The following NLRP3 variants were observed in gnomAD, a reference collection of about 807,000 sequenced individuals.
NLRP3 encodes NACHT, LRR and PYD domains-containing protein 3.
Under a neutral mutation model 91.3 loss-of-function variants are expected in NLRP3, and 48 were observed. That is an observed-to-expected ratio of 0.53 (90% CI 0.42 to 0.67). The LOEUF is 0.67. Ranked by LOEUF, NLRP3 falls within the 30% of genes least tolerant of loss-of-function variation. The probability of loss-of-function intolerance (pLI) is 0.00; values close to 1 mark genes in which losing one functional copy is unlikely to be tolerated. For missense variants in NLRP3, 982 were observed against 1,276.9 expected (o/e 0.77, Z 3.52); for synonymous variants, 561 against 507.9 (o/e 1.10, Z -1.41).
chr1:247,440,881 A>G (rs549218850), intron 7 of NLRP3, among the ~76,000 whole-genome samples: 2 of 151,934 alleles, frequency 1.3e-5, no homozygotes, highest in South Asian at 4.2e-4. Context: ...ACTTTCTACT[A>G]TCCATCTAAG....
intron 9 of NLRP3, among the ~76,000 whole-genome samples, chr1:247,447,073 A>T (rs1390929454): frequency 6.6e-6 from 1 of 152,218 alleles, no homozygotes; most frequent in African/African-American, 2.4e-5. Flanking sequence ...TAGATTGAAG[A>T]ATCCATGAAT....
chr1:247,428,194 TG>T (rs1263235687), intron 4 of NLRP3, among the ~76,000 whole-genome samples: 1 of 149,266 alleles, frequency 6.7e-6, no homozygotes, highest in Non-Finnish European at 1.5e-5. Flanking sequence ...GGACAGACTC[TG>T]ACGGGAGCCC....
chr1:247,438,971 C>A (rs1290670964), intron 7 of NLRP3, among the ~76,000 whole-genome samples: 1 of 151,768 alleles, frequency 6.6e-6, no homozygotes, highest in African/African-American at 2.4e-5. Flanking sequence ...TTCATCTGTC[C>A]ATCCATCCAT....
intron 9 of NLRP3, among the ~76,000 whole-genome samples, chr1:247,445,098 T>G (rs1012057779): frequency 6.6e-6 from 1 of 152,178 alleles, no homozygotes; most frequent in African/African-American, 2.4e-5. Context: ...CAAGGAGGAT[T>G]CTGTTCTACA....
intron 6 of NLRP3, 78 bp downstream of exon 6, chr1:247,434,351 G>C (rs1663630087): frequency 2.0e-6 from 3 of 1,506,082 alleles, no homozygotes. Flanking sequence ...AGGCCCGGTG[G>C]GCTGGGGTTT....
At chr1:247,427,305 G>A (rs1344388171) in intron 4 of NLRP3, among the ~76,000 whole-genome samples, 1 of 152,194 alleles carries the variant, frequency 6.6e-6, no homozygotes, top group Non-Finnish European at 1.5e-5. Context: ...TTCAGCGTAT[G>A]GATTTTGGGG....
chr1:247,428,208 G>C (rs1303972408), intron 4 of NLRP3, among the ~76,000 whole-genome samples: 1 of 150,840 alleles, frequency 6.6e-6, no homozygotes, highest in Admixed American at 6.6e-5. Context: ...GGGAGCCCTG[G>C]TAGGGGGCTC....
intron 2 of NLRP3, among the ~76,000 whole-genome samples, chr1:247,421,994 G>A (rs1662491180): frequency 6.6e-6 from 1 of 151,904 alleles, no homozygotes; most frequent in Admixed American, 6.6e-5. Flanking sequence ...GCAAGACTCT[G>A]TCTCTTAAAA....
At chr1:247,438,976 A>C (rs966479844) in intron 7 of NLRP3, among the ~76,000 whole-genome samples, 1 of 151,550 alleles carries the variant, frequency 6.6e-6, no homozygotes, top group East Asian at 1.9e-4. Flanking sequence ...CTGTCCATCC[A>C]TCCATCCATC....
chr1:247,422,391 A>AC (rs1558188231), intron 2 of NLRP3, among the ~76,000 whole-genome samples: 1 of 151,580 alleles, frequency 6.6e-6, no homozygotes, highest in Non-Finnish European at 1.5e-5. Flanking sequence ...AAAAAAAAAA[A>AC]AAATCATTTA....
At chr1:247,434,350 G>A (rs1663629930) in intron 6 of NLRP3, 77 bp downstream of exon 6, 1 of 1,504,910 alleles carries the variant, frequency 6.6e-7, no homozygotes, top group Non-Finnish European at 9.1e-7. Flanking sequence ...GAGGCCCGGT[G>A]GGCTGGGGTT....
In NLRP3 at chr1:247,423,252, G is replaced by C; in HGVS notation, c.300G>C (p.Ser100=). ...TAGGTTCAGATAATGCACGTGTTTC[G>C]AATCCCACTGTGATATGCCAGGAAG... ...PKWGSDNARV[S]NPTVICQEDS... The change falls in exon 3 of 10, where the codon TCG becomes TCC. Residue 100 remains serine (S), a synonymous_variant. Coordinates refer to ENST00000336119, the MANE Select transcript of NLRP3 (RefSeq NM_001243133.2). 6.2e-7 allele frequency: 1 copy of C among 1,611,176 alleles called. No homozygotes were observed. Among genetic ancestry groups the C allele is most frequent in the Non-Finnish European group, 8.5e-7 (1 of 1,178,326 alleles).
rs201291699 is a variant in NLRP3 at position 247,444,690 on chromosome 1, T to C, written c.2874T>C (p.Asp958=). The C allele has an allele frequency of 6.2e-7, 1 of 1,614,104 alleles. No homozygotes were observed. Among genetic ancestry groups the C allele is most frequent in the Non-Finnish European group, 8.5e-7 (1 of 1,180,026 alleles). Reference sequence around the variant, plus strand: ...ACCTCACGTCACACTGCTGCTGGGATCTTTCCACACTTCTGACCTCCAGCC... The same window carrying C: ...ACCTCACGTCACACTGCTGCTGGGACCTTTCCACACTTCTGACCTCCAGCC... ...NCNLTSHCCW[D]LSTLLTSSQS... is the part of the protein sequence containing the mutation. Residue 958 remains aspartate (D), a synonymous_variant, in exon 9 of 10, where the codon GAT becomes GAC. Transcript: ENST00000336119.
intron 9 of NLRP3, among the ~76,000 whole-genome samples, chr1:247,446,319 A>T (rs1013738181): frequency 6.6e-6 from 1 of 152,228 alleles, no homozygotes; most frequent in Non-Finnish European, 1.5e-5. Flanking sequence ...ATTTTAGCAG[A>T]CAAGGGATTC....
At position 247,425,877 on chromosome 1, in the gene NLRP3, A is replaced by C. The variant is rs1340866938; in HGVS notation, c.2150+278A>C. 2 of 456,050 alleles carry C rather than the reference A, an allele frequency of 4.4e-6. No individual in the cohort carries two copies. Among genetic ancestry groups the C allele is most frequent in the Non-Finnish European group, 8.1e-6 (2 of 248,078 alleles). 28.3% of individuals were successfully genotyped at this position (456,050 alleles called of 1,614,324 possible). On this transcript the variant is annotated intron_variant, in intron 4 of 9. Coordinates refer to ENST00000336119, the MANE Select transcript of NLRP3 (RefSeq NM_001243133.2). The surrounding 1 kb of genome is among the most constrained non-coding windows in gnomAD (Gnocchi z 4.1). ...TAAGTAGGATGTAGGATTGCCTACAAATATTTGTCAACTGAAATTTCTTGT... is the reference window on the plus strand; with the variant it reads ...TAAGTAGGATGTAGGATTGCCTACACATATTTGTCAACTGAAATTTCTTGT...
chr1:247,442,848 A>G (rs1664322375), intron 7 of NLRP3, among the ~76,000 whole-genome samples: 1 of 152,120 alleles, frequency 6.6e-6, no homozygotes, highest in Non-Finnish European at 1.5e-5. Context: ...AGGTGGGTGG[A>G]TTGTCTGAGC....
chr1:247,447,168 G>A (rs1664636053), intron 9 of NLRP3, among the ~76,000 whole-genome samples: 1 of 152,160 alleles, frequency 6.6e-6, no homozygotes, highest in East Asian at 1.9e-4. Flanking sequence ...TCACAATACT[G>A]GAGGCTAGAA....
At chr1:247,432,077 G>A (rs1663373539) in intron 5 of NLRP3, among the ~76,000 whole-genome samples, 1 of 152,166 alleles carries the variant, frequency 6.6e-6, no homozygotes, top group Admixed American at 6.5e-5. Context: ...TAGGGACAAG[G>A]TTTCACCGTA....
At chr1:247,441,728 T>G (rs1664255338) in intron 7 of NLRP3, among the ~76,000 whole-genome samples, 2 of 152,238 alleles carry the variant, frequency 1.3e-5, no homozygotes, top group South Asian at 2.1e-4. Context: ...GTTGTTTGAT[T>G]CTTTAAACAT....
Sources: gnomAD v4.1 joint callset for allele counts (sites outside exome capture counted in the v4.1 genomes callset) on GRCh38, gnomAD v4.1.1 for gene constraint, Gnocchi (gnomAD v3.1) non-coding constraint, MANE v1.5 for transcripts, NCBI Gene and HGNC (gene_info 2026-07-23, HGNC 2026-07-21) for gene names.